COG1: variants seen among roughly 807,000 people sequenced by gnomAD.
COG1 encodes component of oligomeric golgi complex 1.
A neutral mutation model predicts 102.2 loss-of-function variants in COG1; 61 were observed. The ratio of observed to expected loss-of-function variants is 0.60; its 90% confidence interval spans 0.49 to 0.74. The LOEUF (loss-of-function observed/expected upper bound fraction) is 0.74, where lower values mean the gene tolerates loss of function less well. COG1 is among the 30% of genes least tolerant of loss of function. The probability of loss-of-function intolerance (pLI) is 0.00; values close to 1 mark genes in which losing one functional copy is unlikely to be tolerated. For synonymous variants in COG1, 454 were observed against 493.6 expected (o/e 0.92, Z 1.06); for missense variants, 1,164 against 1,232.1 (o/e 0.94, Z 0.83).
At chr17:73,201,073 A>T in intron 6 of COG1, 36 bp from the exon 7 acceptor site, 1 of 1,585,240 alleles carries the variant, frequency 6.3e-7, no homozygotes, top group Non-Finnish European at 8.7e-7. Context: ...TCCTTAAAGG[A>T]ACTGTGATTA....
rs1223258486 is a variant in COG1, at chr17:73,198,634, T to TGGCTGA, written c.914-1229_914-1228insCTGAGG. ...GTTGCATTGGCGATGGCTGAGGCCT[T>TGGCTGA]GGAATGGGACTGTGAAGCGGGCAGG... On this transcript the variant is annotated intron_variant, in intron 4 of 13. Transcript: ENST00000299886. Among the ~76,000 whole-genome samples the TGGCTGA allele has an allele frequency of 5.6e-3, 855 of 152,192 alleles. 11 individuals are homozygous for TGGCTGA. The highest frequency in any genetic ancestry group is 0.019 in the African/African-American group (808 of 41,518).
Position 73,203,164 on chromosome 17 carries a change from G to T in COG1, c.2220+18G>T. ...CTGCACAGGTGAGCAGGGACCATGG[G>T]CTGAAAAAGGGAATAAACTGCTCCG... On this transcript the variant is annotated intron_variant, in intron 8 of 13. Coordinates refer to ENST00000299886, the MANE Select transcript of COG1 (RefSeq NM_018714.3). The T allele has an allele frequency of 7.4e-6, 12 of 1,613,810 alleles. No homozygotes were observed. The highest frequency in any genetic ancestry group is 1.0e-5 in the Non-Finnish European group (12 of 1,179,880).
In COG1 at chr17:73,205,764, C is replaced by G; in HGVS notation, c.2510+84C>G. The G allele has an allele frequency of 3.3e-6, 5 of 1,520,636 alleles. No homozygotes were observed. The South Asian group carries it at 5.6e-5, about 17-fold the overall frequency. The allele number at this position is 1,520,636 out of a possible 1,614,324, so 94.2% of individuals were successfully genotyped here. On this transcript the variant is annotated intron_variant, in intron 10 of 13. Coordinates refer to ENST00000299886, the MANE Select transcript of COG1 (RefSeq NM_018714.3). ...TTTGCTGGGAAGCCACCAGAGTCAG[C>G]CTGTTATACTGCACATTCATTGTGT...
At chr17:73,207,927 G>A in intron 13 of COG1, 1 of 1,186,976 alleles carries the variant, frequency 8.4e-7, no homozygotes, top group Non-Finnish European at 1.1e-6. Context: ...GTTGGGAGAT[G>A]GTAGTTTAAA....
Position 73,201,911 on chromosome 17 carries a change from T to C in COG1, c.2073+11T>C, listed in dbSNP as rs1391946259. ...AGTGCAGTTGTGAAAGTGAGTGATG[T>C]AATTTCTTATCCCTGTCTTGTCTCA... On this transcript the variant is annotated intron_variant, in intron 7 of 13. Coordinates refer to ENST00000299886, the MANE Select transcript of COG1 (RefSeq NM_018714.3). 6.2e-7 allele frequency: 1 copy of C among 1,612,432 alleles called. No individual in the cohort carries two copies. The highest frequency in any genetic ancestry group is 1.1e-5 in the South Asian group (1 of 90,988).
chr17:73,196,791 C>T, intron 2 of COG1, 40 bp downstream of exon 2: 1 of 1,614,030 alleles, frequency 6.2e-7, no homozygotes. Flanking sequence ...TGGTGGTGGC[C>T]AGGCTTCACA....
At position 73,206,803 on chromosome 17, in the gene COG1, A is replaced by C; in HGVS notation, c.2715A>C (p.Ala905=). ...SQEPHNILPL[A]SSQIRFGLLP... ...AACCCCATAACATCCTGCCACTGGC[A>C]TCCAGTCAGATCAGGTAAAGGCTGC... Residue 905 remains alanine, a synonymous_variant, in exon 12 of 14, where the codon GCA becomes GCC. Transcript: ENST00000299886. 6.2e-7 allele frequency: 1 copy of C among 1,613,548 alleles called. No individual in the cohort carries two copies.
At chr17:73,202,784 T>A (rs1015773979) in intron 7 of COG1, among the ~76,000 whole-genome samples, 8 of 151,772 alleles carry the variant, frequency 5.3e-5, no homozygotes, top group African/African-American at 1.9e-4. Context: ...AGACCCTGTC[T>A]CAAAAAAAAA....
intron 4 of COG1, among the ~76,000 whole-genome samples, chr17:73,199,062 A>C (rs1438392427): frequency 6.6e-6 from 1 of 152,230 alleles, no homozygotes; most frequent in Non-Finnish European, 1.5e-5. Context: ...TTTAGAAAGC[A>C]GTACAAGGGG....
Position 73,196,667 on chromosome 17 carries a change from T to C in COG1, c.476T>C (p.Leu159Pro). 2.5e-6 allele frequency: 4 copies of C among 1,614,228 alleles called. No homozygotes were observed. Among genetic ancestry groups the C allele is most frequent in the Non-Finnish European group, 3.4e-6 (4 of 1,180,042 alleles). The change falls in exon 2 of 14, where the codon CTG becomes CCG. Residue 159 changes from leucine to proline, a missense_variant. Leu to Pro is a moderately conservative substitution (Grantham distance 98, BLOSUM62 -3). Coordinates refer to ENST00000299886, the MANE Select transcript of COG1 (RefSeq NM_018714.3). ...LCCHLHSLLQ[L>P]DSSSSRYSPV... ...TGCCACCTCCACAGCCTGCTCCAGC[T>C]GGATTCTTCTAGTTCCCGATACAGT...
chr17:73,207,705 G>T, intron 13 of COG1: 1 of 1,292,184 alleles, frequency 7.7e-7, no homozygotes, highest in Non-Finnish European at 1.0e-6. Context: ...ATTTCAGTAC[G>T]ATGCCAACTG....
Position 73,196,586 on chromosome 17 carries a change from G to C in COG1, c.395G>C (p.Trp132Ser). The C allele has an allele frequency of 6.2e-7, 1 of 1,614,190 alleles. No homozygotes were observed. The highest frequency in any genetic ancestry group is 8.5e-7 in the Non-Finnish European group (1 of 1,180,038). ...CTCTTAGAAATTCCGGAGAAGATCT[G>C]GAGCTCGATGGAAGCCTCTCAGTGT... is the stretch of plus-strand genomic sequence containing the variant. ...KLLLEIPEKI[W>S]SSMEASQCLH... The change falls in exon 2 of 14, where the codon TGG (tryptophan) becomes TCG (serine). Residue 132 changes from tryptophan to serine, a missense_variant. Physicochemically the swap from Trp to Ser is radical, Grantham distance 177 (BLOSUM62 -3). Transcript: ENST00000299886.
chr17:73,207,782 A>T lies in COG1; in HGVS notation c.2805+526A>T, dbSNP rs1008855316. ...TGTGTGCATGTGTGTTTGAAAGCTC[A>T]AACAGCTTGTCTTCTTACAGCATCG... On this transcript the variant is annotated intron_variant, in intron 13 of 13. Transcript: ENST00000299886. The T allele has an allele frequency of 2.4e-3, 3,055 of 1,289,034 alleles. 67 individuals carry two copies. In the African/African-American group the frequency reaches 0.042, roughly 18 times the overall value. The allele number at this position is 1,289,034 out of a possible 1,614,324, so 79.8% of individuals were successfully genotyped here. A position where few individuals can be genotyped will look rare whatever the true frequency, so the allele number is the denominator to read the frequency against.
rs2061342576 is a variant in COG1, at chr17:73,200,547, G to A, written c.1071-19G>A. On this transcript the variant is annotated intron_variant, in intron 5 of 13. Coordinates refer to ENST00000299886, the MANE Select transcript of COG1 (RefSeq NM_018714.3). ...CACCATGCCTCTGATGGAGCCCAAA[G>A]AACATGATTCTGTTGCAGGTGTAAT... 6.2e-7 allele frequency: 1 copy of A among 1,608,388 alleles called. No homozygotes were observed. Among genetic ancestry groups the A allele is most frequent in the African/African-American group, 1.3e-5 (1 of 74,770 alleles).
intron 13 of COG1, chr17:73,207,908 G>C: frequency 2.5e-6 from 3 of 1,183,898 alleles, no homozygotes; most frequent in South Asian, 1.7e-5. Flanking sequence ...CAAGTATCTG[G>C]CTTTAAAAGT....
At chr17:73,206,999 A>G in intron 12 of COG1, 182 bp downstream of exon 12, 1 of 698,684 alleles carries the variant, frequency 1.4e-6, no homozygotes. Flanking sequence ...AGGCTGAGGC[A>G]GGAGAATGGC....
chr17:73,194,152 A>ATTTTTTTTTTTTTTTTTTT (rs1257232460), intron 1 of COG1, among the ~76,000 whole-genome samples: 8 of 147,334 alleles, frequency 5.4e-5, no homozygotes, highest in South Asian at 2.4e-4. Flanking sequence ...TTCCTAAAGA[A>ATTTTTTTTTTTTTTTTTTT]TTTTTATTGG....
chr17:73,206,857 G>T, intron 12 of COG1, 40 bp downstream of exon 12: 1 of 1,394,202 alleles, frequency 7.2e-7, no homozygotes, highest in Non-Finnish European at 1.0e-6. Context: ...CACTTCGGGA[G>T]GCCAAGGTGG....
intron 1 of COG1, 36 bp from the exon 2 acceptor site, chr17:73,196,471 C>A (rs746876632): frequency 4.9e-5 from 79 of 1,613,742 alleles, no homozygotes; most frequent in Admixed American, 1.5e-4. Flanking sequence ...TGCTTTTGTT[C>A]GTTCTTCTGG....
Sources: gnomAD v4.1 joint callset for allele counts (sites outside exome capture counted in the v4.1 genomes callset) on GRCh38, gnomAD v4.1.1 for gene constraint, MANE v1.5 for transcripts, NCBI Gene and HGNC (gene_info 2026-07-23, HGNC 2026-07-21) for gene names.